ASTN2: variants seen among roughly 807,000 people sequenced by gnomAD.
The protein encoded by ASTN2 is astrotactin-2.
In ASTN2, 54 loss-of-function variants were observed where a neutral mutation model predicts 139.8. That is an observed-to-expected ratio of 0.39 (90% CI 0.31 to 0.48). The LOEUF is 0.48. Among genes scored for constraint, ASTN2 ranks in the 20% least tolerant of loss-of-function variants. ASTN2 has a pLI of 0.95. For missense variants in ASTN2, 1,565 were observed against 1,725.1 expected, an observed-to-expected ratio of 0.91 and a Z score of 1.64; for synonymous variants, 756 against 719.5, an observed-to-expected ratio of 1.05 and a Z score of -0.81.
chr9:116,691,975 T>C (rs975095054), intron 16 of ASTN2, among the ~76,000 whole-genome samples: 1 of 152,212 alleles, frequency 6.6e-6, no homozygotes, highest in Non-Finnish European at 1.5e-5. Flanking sequence ...ATATTTTACA[T>C]GTTGTCTAGT....
At chr9:117,226,623 C>T (rs1370307745) in intron 2 of ASTN2, among the ~76,000 whole-genome samples, 1 of 151,742 alleles carries the variant, frequency 6.6e-6, no homozygotes, top group African/African-American at 2.4e-5. Flanking sequence ...GTTTTTTTAA[C>T]AGGGTGGCCA....
intron 19 of ASTN2, chr9:116,613,712 G>A (rs1276313186): frequency 1.3e-5 from 2 of 152,168 alleles, no homozygotes; most frequent in Non-Finnish European, 2.9e-5. Context: ...ACTAGGTACT[G>A]ATGGGACGTA....
At chr9:117,153,755 C>T (rs542505604) in intron 3 of ASTN2, among the ~76,000 whole-genome samples, 1 of 152,170 alleles carries the variant, frequency 6.6e-6, no homozygotes, top group Admixed American at 6.5e-5. Flanking sequence ...TGAGGATGAT[C>T]CAAGAATTGA....
chr9:116,691,983 A>G (rs773467531), intron 16 of ASTN2, among the ~76,000 whole-genome samples: 6 of 152,206 alleles, frequency 3.9e-5, no homozygotes, highest in Non-Finnish European at 7.4e-5. Context: ...CATGTTGTCT[A>G]GTTTTTAGGG....
chr9:117,127,315 A>C (rs2132827883), intron 4 of ASTN2, among the ~76,000 whole-genome samples: 1 of 152,348 alleles, frequency 6.6e-6, no homozygotes, highest in Non-Finnish European at 1.5e-5. Context: ...GGAGCTCACC[A>C]GCGTTTCTCG....
chr9:116,434,258 C>T (rs1457231013), intron 22 of ASTN2, among the ~76,000 whole-genome samples: 1 of 152,144 alleles, frequency 6.6e-6, no homozygotes, highest in African/African-American at 2.4e-5. Flanking sequence ...CCAAAATATA[C>T]AGAAAAAGGT....
intron 3 of ASTN2, among the ~76,000 whole-genome samples, chr9:117,186,465 C>T (rs901570279): frequency 2.0e-5 from 3 of 151,832 alleles, no homozygotes; most frequent in Admixed American, 2.0e-4. Context: ...GAGAATGGTG[C>T]GGGCCTGGGA....
chr9:116,502,759 G>T (rs148700174), intron 19 of ASTN2, among the ~76,000 whole-genome samples: 8 of 65,070 alleles, frequency 1.2e-4, no homozygotes, highest in African/African-American at 4.7e-4. Context: ...GGGAAGGAAG[G>T]AGAGAAGGAA....
chr9:116,963,281 G>A (rs535245670), intron 10 of ASTN2, among the ~76,000 whole-genome samples: 62 of 152,300 alleles, frequency 4.1e-4, no homozygotes, highest in African/African-American at 1.4e-3. Context: ...GGGACTGTGA[G>A]TTTTGGGCTA....
At chr9:117,215,267 A>G (rs1235151729) in intron 2 of ASTN2, among the ~76,000 whole-genome samples, 2 of 152,168 alleles carry the variant, frequency 1.3e-5, no homozygotes, top group Non-Finnish European at 2.9e-5. Flanking sequence ...ATCTTGCTGC[A>G]AATATAAGAT....
intron 10 of ASTN2, among the ~76,000 whole-genome samples, chr9:116,922,373 A>AT (rs1834637622): frequency 2.0e-5 from 3 of 152,128 alleles, no homozygotes; most frequent in South Asian, 2.1e-4. Flanking sequence ...GTTTTTAATC[A>AT]TTTTTTTCAA....
intron 17 of ASTN2, among the ~76,000 whole-genome samples, chr9:116,625,472 T>C (rs1235902870): frequency 6.6e-6 from 1 of 152,162 alleles, no homozygotes; most frequent in African/African-American, 2.4e-5. Flanking sequence ...GCCCCATTGC[T>C]GTCTCCCTGG....
chr9:117,169,178 C>T (rs892895011), intron 3 of ASTN2, among the ~76,000 whole-genome samples: 1 of 149,112 alleles, frequency 6.7e-6, no homozygotes, highest in African/African-American at 2.5e-5. Flanking sequence ...TCTCTCTTGC[C>T]TGAGGGAAAA....
intron 19 of ASTN2, among the ~76,000 whole-genome samples, chr9:116,602,687 G>A (rs1340531649): frequency 6.6e-6 from 1 of 152,126 alleles, no homozygotes; most frequent in African/African-American, 2.4e-5. Context: ...CCAGCACTTT[G>A]GGAGGCCAAG....
intron 3 of ASTN2, among the ~76,000 whole-genome samples, chr9:117,167,270 C>T (rs192424727): frequency 0.034 from 4,950 of 146,786 alleles, 111 homozygotes; most frequent in Middle Eastern, 0.049. Flanking sequence ...CACACCAAAA[C>T]CTTTTTTTTC....
chr9:116,987,398 C>T (rs1193079051), intron 7 of ASTN2, among the ~76,000 whole-genome samples: 4 of 152,242 alleles, frequency 2.6e-5, no homozygotes, highest in African/African-American at 4.8e-5. Context: ...AGCCAGGTCC[C>T]ATGAGGGCCC....
At chr9:116,482,066 C>T (rs992965724) in intron 20 of ASTN2, among the ~76,000 whole-genome samples, 1 of 152,202 alleles carries the variant, frequency 6.6e-6, no homozygotes, top group African/African-American at 2.4e-5. Context: ...GTGGCTCACG[C>T]CTGTAATCCC....
intron 4 of ASTN2, among the ~76,000 whole-genome samples, chr9:117,124,230 A>G (rs1054415545): frequency 6.6e-6 from 1 of 152,114 alleles, no homozygotes; most frequent in Non-Finnish European, 1.5e-5. Context: ...CCACTAACTC[A>G]TGGTAAAAAA....
In ASTN2 at chr9:116,651,801, G is replaced by T. The variant is rs765684225; in HGVS notation, c.2807-8C>A. The T allele has an allele frequency of 1.6e-5, 26 of 1,609,546 alleles. 1 individual carries two copies. In the South Asian group the frequency reaches 2.3e-4, roughly 14 times the overall value. On this transcript the variant is annotated splice_region_variant and splice_polypyrimidine_tract_variant and intron_variant, in intron 16 of 22. Transcript: ENST00000313400. ...TGCCCAGCTCTGTGGTCTCTGGAGA[G>T]GCACAAGACAGGAAGAGCGAAAGGT... is the stretch of plus-strand genomic sequence containing the variant.
Sources: gnomAD v4.1 joint callset for allele counts (sites outside exome capture counted in the v4.1 genomes callset) on GRCh38, gnomAD v4.1.1 for gene constraint, MANE v1.5 for transcripts, NCBI Gene and HGNC (gene_info 2026-07-23, HGNC 2026-07-21) for gene names.